The following AUTS2 variants were observed in gnomAD, a reference collection of about 807,000 sequenced individuals.
AUTS2 encodes the protein autism susceptibility gene 2 protein.
A neutral mutation model predicts 112.4 loss-of-function variants in AUTS2; 17 were observed. The ratio of observed to expected loss-of-function variants is 0.15; its 90% CI spans 0.10 to 0.23. The LOEUF (loss-of-function observed/expected upper bound fraction) is 0.23, where lower values mean the gene tolerates loss of function less well. AUTS2 is among the 10% of genes least tolerant of loss of function. The pLI, the probability that AUTS2 is intolerant of heterozygous loss-of-function variation, is 1.00. For missense variants in AUTS2, 1,510 were observed against 1,701.6 expected, an observed-to-expected ratio of 0.89 and a Z score of 1.98; for synonymous variants, 751 against 702.7, an observed-to-expected ratio of 1.07 and a Z score of -1.09.
intron 4 of AUTS2, among the ~76,000 whole-genome samples, chr7:70,401,759 G>T (rs781563148): frequency 2.0e-5 from 3 of 152,216 alleles, no homozygotes; most frequent in Non-Finnish European, 4.4e-5. Flanking sequence ...CTGCAAACAG[G>T]AGGGCAGAAC....
intron 2 of AUTS2, among the ~76,000 whole-genome samples, chr7:70,108,994 G>T (rs937656047): frequency 2.0e-5 from 3 of 152,068 alleles, no homozygotes; most frequent in Non-Finnish European, 4.4e-5. Flanking sequence ...AGGATGACAA[G>T]GTGTTCCAGA....
At chr7:70,081,387 TAAAAA>T (rs57155688) in intron 2 of AUTS2, among the ~76,000 whole-genome samples, 3 of 88,930 alleles carry the variant, frequency 3.4e-5, no homozygotes, top group South Asian at 7.9e-4. Flanking sequence ...CCCGTCTCTA[TAAAAA>T]AAAAAAAAAA....
intron 1 of AUTS2, among the ~76,000 whole-genome samples, chr7:69,750,716 A>G (rs1337940878): frequency 6.6e-6 from 1 of 152,066 alleles, no homozygotes; most frequent in Non-Finnish European, 1.5e-5. Flanking sequence ...GTTTATAGGC[A>G]TGAGCCACCA....
At chr7:69,655,020 C>A (rs1322846694) in intron 1 of AUTS2, among the ~76,000 whole-genome samples, 1 of 152,056 alleles carries the variant, frequency 6.6e-6, no homozygotes, top group Non-Finnish European at 1.5e-5. Context: ...CATGAGTATC[C>A]ACAGGCAGCA....
intron 5 of AUTS2, among the ~76,000 whole-genome samples, chr7:70,499,924 C>T (rs1019932152): frequency 6.6e-6 from 1 of 152,150 alleles, no homozygotes; most frequent in African/African-American, 2.4e-5. Flanking sequence ...GAGGAAGACT[C>T]CAGCTGTGTG....
At chr7:70,770,587 CTCTG>C (rs1377057016) in intron 10 of AUTS2, among the ~76,000 whole-genome samples, 1 of 152,202 alleles carries the variant, frequency 6.6e-6, no homozygotes, top group Non-Finnish European at 1.5e-5. Context: ...TCTTCAGATT[CTCTG>C]TATTTTTTTC....
intron 2 of AUTS2, among the ~76,000 whole-genome samples, chr7:70,042,875 A>G (rs1439133622): frequency 1.3e-5 from 2 of 152,192 alleles, no homozygotes; most frequent in East Asian, 1.9e-4. Flanking sequence ...CATGCTTCTT[A>G]TAGAGTTCAG....
intron 2 of AUTS2, among the ~76,000 whole-genome samples, chr7:69,993,081 G>A (rs1008869335): frequency 1.3e-5 from 2 of 152,172 alleles, no homozygotes; most frequent in Non-Finnish European, 2.9e-5. Flanking sequence ...ACTTTCAGCG[G>A]TCTGTCTCCA....
At chr7:69,776,180 A>G (rs1420958825) in intron 1 of AUTS2, among the ~76,000 whole-genome samples, 1 of 152,166 alleles carries the variant, frequency 6.6e-6, no homozygotes, top group Non-Finnish European at 1.5e-5. Context: ...CAAGGGAACT[A>G]TGTGTGGGGG....
intron 2 of AUTS2, among the ~76,000 whole-genome samples, chr7:70,022,168 G>C (rs1474152210): frequency 6.6e-6 from 1 of 150,504 alleles, no homozygotes; most frequent in Admixed American, 6.7e-5. Context: ...AGAAAGGAGA[G>C]AGTTGTTAGT....
At chr7:69,605,762 GC>G (rs1419778914) in intron 1 of AUTS2, among the ~76,000 whole-genome samples, 8 of 152,246 alleles carry the variant, frequency 5.3e-5, no homozygotes, top group Admixed American at 3.3e-4. Context: ...GGAAAATTTG[GC>G]CATGGGACTG....
chr7:69,606,900 T>C (rs975670128), intron 1 of AUTS2, among the ~76,000 whole-genome samples: 4 of 152,228 alleles, frequency 2.6e-5, no homozygotes, highest in African/African-American at 9.6e-5. Context: ...TTAAGACTGG[T>C]GAGACCCTAA....
intron 2 of AUTS2, among the ~76,000 whole-genome samples, chr7:69,901,500 G>C (rs541417541): frequency 1.3e-5 from 2 of 152,192 alleles, no homozygotes; most frequent in Non-Finnish European, 2.9e-5. Context: ...AGACTAAGAC[G>C]TAACACATCT....
At chr7:70,045,064 C>A (rs1336007765) in intron 2 of AUTS2, among the ~76,000 whole-genome samples, 1 of 151,822 alleles carries the variant, frequency 6.6e-6, no homozygotes, top group East Asian at 1.9e-4. Context: ...GACTTGTGAA[C>A]TGCTGACTGG....
chr7:69,720,979 C>T (rs1798900577), intron 1 of AUTS2, among the ~76,000 whole-genome samples: 1 of 152,172 alleles, frequency 6.6e-6, no homozygotes, highest in African/African-American at 2.4e-5. Flanking sequence ...TAAGAAAAGA[C>T]TTACACAGCA....
intron 1 of AUTS2, among the ~76,000 whole-genome samples, chr7:69,801,919 T>C (rs1203816570): frequency 6.6e-6 from 1 of 152,116 alleles, no homozygotes; most frequent in East Asian, 1.9e-4. Context: ...TGGTGGGGCA[T>C]GCAATTTTAG....
At chr7:69,737,437 G>A (rs1450481471) in intron 1 of AUTS2, among the ~76,000 whole-genome samples, 3 of 152,056 alleles carry the variant, frequency 2.0e-5, no homozygotes, top group Non-Finnish European at 2.9e-5. Flanking sequence ...AGTAAAAGTC[G>A]GGCAGAGTCA....
intron 1 of AUTS2, among the ~76,000 whole-genome samples, chr7:69,811,787 CT>C (rs1180665973): frequency 6.6e-6 from 1 of 152,164 alleles, no homozygotes; most frequent in Non-Finnish European, 1.5e-5. Flanking sequence ...TATTATAGCT[CT>C]TATCACAGTC....
intron 5 of AUTS2, among the ~76,000 whole-genome samples, chr7:70,471,326 G>C (rs1334408728): frequency 6.6e-6 from 1 of 152,126 alleles, no homozygotes; most frequent in African/African-American, 2.4e-5. Context: ...TTGTCTAGGG[G>C]TAGAATGGGG....
Sources: gnomAD v4.1 joint callset for allele counts (sites outside exome capture counted in the v4.1 genomes callset) on GRCh38, gnomAD v4.1.1 for gene constraint, MANE v1.5 for transcripts, NCBI Gene and HGNC (gene_info 2026-07-23, HGNC 2026-07-21) for gene names.